The following CCDC30 variants were observed in gnomAD, a reference collection of about 807,000 sequenced individuals.
The protein encoded by CCDC30 is coiled-coil domain-containing protein 30.
CCDC30 carries 70 observed loss-of-function variants against 100.2 expected under a neutral mutation model. The ratio of observed to expected loss-of-function variants is 0.70; its 90% CI spans 0.58 to 0.85. CCDC30 has a LOEUF of 0.85. CCDC30 is among the 40% of genes least tolerant of loss of function. The probability of loss-of-function intolerance (pLI) is 0.00; values close to 1 mark genes in which losing one functional copy is unlikely to be tolerated. For missense variants in CCDC30, 652 were observed against 771.2 expected (o/e 0.85, Z 1.83); for synonymous variants, 233 against 269.5 (o/e 0.86, Z 1.33).
intron 9 of CCDC30, among the ~76,000 whole-genome samples, chr1:42,584,713 C>G (rs886441247): frequency 6.6e-6 from 1 of 152,090 alleles, no homozygotes; most frequent in African/African-American, 2.4e-5. Context: ...GTTCATTTGG[C>G]CAGAACAAAA....
intron 11 of CCDC30, among the ~76,000 whole-genome samples, chr1:42,613,285 C>T (rs1278106800): frequency 3.3e-5 from 5 of 152,054 alleles, no homozygotes; most frequent in African/African-American, 1.2e-4. Context: ...GGCGGAAACT[C>T]GCTCTGTCGC....
intron 1 of CCDC30, among the ~76,000 whole-genome samples, chr1:42,474,937 T>C (rs1643866416): frequency 1.3e-5 from 2 of 152,230 alleles, no homozygotes; most frequent in South Asian, 4.1e-4. Flanking sequence ...TTTAATGTAA[T>C]CTCCTGTTAA....
At chr1:42,507,427 C>T (rs1644411415) in intron 6 of CCDC30, among the ~76,000 whole-genome samples, 1 of 152,172 alleles carries the variant, frequency 6.6e-6, no homozygotes, top group African/African-American at 2.4e-5. Context: ...TTAAGGTTTA[C>T]ACATGGGATT....
chr1:42,469,628 A>G (rs891334185), intron 1 of CCDC30, among the ~76,000 whole-genome samples: 1 of 152,236 alleles, frequency 6.6e-6, no homozygotes, highest in East Asian at 1.9e-4. Flanking sequence ...AGGAAGCAGT[A>G]TGGGATGGGG....
rs80179817 is a variant in CCDC30 at position 42,616,441 on chromosome 1, G to C, written c.1277+5351G>C. Among the ~76,000 whole-genome samples, 755 of 152,308 alleles carry C rather than the reference G, an allele frequency of 5.0e-3. 5 individuals are homozygous for C. Among genetic ancestry groups the C allele is most frequent in the Non-Finnish European group, 8.8e-3 (602 of 68,028 alleles). ...GAGGTTGAAAACTATATTTAGGAAA[G>C]AAAATGGAAGGAATTAATTGAAACT... On this transcript the variant is annotated intron_variant, in intron 11 of 16. Transcript: ENST00000668663.
intron 6 of CCDC30, among the ~76,000 whole-genome samples, chr1:42,517,739 T>A (rs1276468318): frequency 1.3e-5 from 2 of 152,230 alleles, no homozygotes; most frequent in African/African-American, 4.8e-5. Context: ...ACTTGATGGC[T>A]TCGTTCTACC....
downstream of CCDC30, among the ~76,000 whole-genome samples, chr1:42,656,065 C>T (rs557900959): frequency 1.3e-5 from 2 of 151,740 alleles, no homozygotes; most frequent in Non-Finnish European, 2.9e-5. Flanking sequence ...AGGTCTCACT[C>T]TCACTCTATT....
At chr1:42,554,208 G>T (rs1168898727) in intron 6 of CCDC30, among the ~76,000 whole-genome samples, 1 of 150,146 alleles carries the variant, frequency 6.7e-6, no homozygotes, top group South Asian at 2.1e-4. Flanking sequence ...TTCTTCTTAT[G>T]GATTATTTTA....
At chr1:42,567,431 A>C (rs748261510) in intron 7 of CCDC30, among the ~76,000 whole-genome samples, 7 of 152,202 alleles carry the variant, frequency 4.6e-5, no homozygotes, top group Admixed American at 1.3e-4. Flanking sequence ...TTGAAAAGTG[A>C]CATAAACATG....
intron 15 of CCDC30, among the ~76,000 whole-genome samples, chr1:42,647,915 G>T (rs1648015694): frequency 6.6e-6 from 1 of 152,050 alleles, no homozygotes; most frequent in Non-Finnish European, 1.5e-5. Flanking sequence ...TATGATAAAA[G>T]CAATATTAAG....
At chr1:42,499,023 T>C in intron 6 of CCDC30, 107 bp downstream of exon 6, 2 of 507,220 alleles carry the variant, frequency 3.9e-6, no homozygotes, top group Non-Finnish European at 6.1e-6. Flanking sequence ...TCTTTCTTAT[T>C]GGGCTGTCTT....
At chr1:42,537,194 T>C (rs964370769) in intron 6 of CCDC30, 2 of 456,206 alleles carry the variant, frequency 4.4e-6, no homozygotes, top group Admixed American at 4.7e-5. Flanking sequence ...GTTCATAGAG[T>C]CATGGGCTTA....
intron 10 of CCDC30, among the ~76,000 whole-genome samples, chr1:42,607,756 T>C (rs1468834022): frequency 6.6e-6 from 1 of 152,048 alleles, no homozygotes; most frequent in East Asian, 1.9e-4. Context: ...CCCCAAGCCT[T>C]GAAGGGAAAA....
At chr1:42,582,002 AC>A (rs1365370110) in intron 9 of CCDC30, among the ~76,000 whole-genome samples, 1 of 150,902 alleles carries the variant, frequency 6.6e-6, no homozygotes, top group Non-Finnish European at 1.5e-5. Flanking sequence ...TAGGAGGATC[AC>A]TTGAGCCTAG....
At chr1:42,526,333 T>C (rs546567518) in intron 6 of CCDC30, among the ~76,000 whole-genome samples, 15 of 152,274 alleles carry the variant, frequency 9.9e-5, no homozygotes, top group African/African-American at 3.1e-4. Flanking sequence ...TATTCCGTCA[T>C]GGCCCTTTTT....
intron 15 of CCDC30, among the ~76,000 whole-genome samples, chr1:42,648,174 A>T (rs1432509239): frequency 6.6e-6 from 1 of 152,084 alleles, no homozygotes; most frequent in African/African-American, 2.4e-5. Flanking sequence ...TCCCGACCTC[A>T]GGTGATCCAC....
downstream of CCDC30, among the ~76,000 whole-genome samples, chr1:42,655,472 G>A (rs539772474): frequency 3.2e-4 from 48 of 152,058 alleles, no homozygotes; most frequent in Non-Finnish European, 5.4e-4. Flanking sequence ...ACTTGAACCC[G>A]AGAGGCAGAG....
chr1:42,508,779 G>A (rs940828378), intron 6 of CCDC30, among the ~76,000 whole-genome samples: 4 of 152,042 alleles, frequency 2.6e-5, no homozygotes, highest in Non-Finnish European at 5.9e-5. Context: ...TGCATTAAGA[G>A]TGGCAAGACA....
intron 6 of CCDC30, among the ~76,000 whole-genome samples, chr1:42,504,975 C>T (rs1264048228): frequency 1.3e-5 from 2 of 152,190 alleles, no homozygotes; most frequent in African/African-American, 4.8e-5. Context: ...TTGTCAGTAG[C>T]TATTATTCCT....
Sources: allele counts gnomAD v4.1 joint callset (sites outside exome capture counted in the v4.1 genomes callset), GRCh38; gene constraint gnomAD v4.1.1; transcripts MANE v1.5; gene names NCBI Gene and HGNC (gene_info 2026-07-23, HGNC 2026-07-21).